The following SCN1B variants were observed in gnomAD, a reference collection of about 807,000 sequenced individuals.
SCN1B encodes the protein sodium voltage-gated channel beta subunit 1, also known as sodium channel regulatory subunit beta-1.
In SCN1B, 11 loss-of-function variants were observed where a neutral mutation model predicts 25.7. That is an observed-to-expected ratio of 0.43 (90% CI 0.27 to 0.71). SCN1B has a LOEUF of 0.71. SCN1B is among the 30% of genes least tolerant of loss of function. SCN1B has a pLI of 0.21. For synonymous variants in SCN1B, 119 were observed against 117.5 expected, an observed-to-expected ratio of 1.01 and a Z score of -0.08; for missense variants, 224 against 291.5, an observed-to-expected ratio of 0.77 and a Z score of 1.69.
rs1434795027 is a variant in SCN1B, at chr19:35,030,557, C to CT, written c.-264_-263insT. 1.3e-5 allele frequency: 2 copies of CT among 149,608 alleles called. No homozygotes were observed. The highest frequency in any genetic ancestry group is 4.9e-5 in the African/African-American group (2 of 40,932). The allele number at this position is 149,608 out of a possible 1,614,324, so 9.3% of individuals were successfully genotyped here. A position where few individuals can be genotyped will look rare whatever the true frequency, so the allele number is the denominator to read the frequency against. On this transcript the variant is annotated 5_prime_UTR_variant, in exon 1 of 6. The change abolishes the stop of an existing upstream ORF in the 5' untranslated region. Coordinates refer to ENST00000262631, the MANE Select transcript of SCN1B (RefSeq NM_001037.5). ...TGCACCTAGCGGATGTGCCCGGCTG[C>CT]GCGCGCCAGCGCAGCAGCCCGAGCA... is the stretch of plus-strand genomic sequence containing the variant.
intron 3 of SCN1B, chr19:35,034,222 C>A (rs2064234659): frequency 1.3e-6 from 2 of 1,489,662 alleles, no homozygotes; most frequent in African/African-American, 1.4e-5. Context: ...CTCAGCCCTG[C>A]TGCCCTCTGT....
In SCN1B at chr19:35,030,827, A is replaced by T; in HGVS notation, c.7A>T (p.Arg3Trp). The change falls in exon 1 of 6, where the codon AGG becomes TGG. Residue 3 changes from arginine (R) to tryptophan (W), a missense_variant. Around this residue, in one of 3 missense-constraint regions of SCN1B, gnomAD observed 46 missense variants for 35.8 expected, o/e 1.29. Transcript: ENST00000262631. ...CAGCACGCGCCGCGCAGCCATGGGG[A>T]GGCTGCTGGCCTTAGTGGTCGGCGC... is the stretch of plus-strand genomic sequence containing the variant. MG[R>W]LLALVVGAAL... The T allele has an allele frequency of 9.3e-7, 1 of 1,078,968 alleles. No homozygotes were observed. The highest frequency in any genetic ancestry group is 1.2e-6 in the Non-Finnish European group (1 of 855,938). 66.8% of individuals were successfully genotyped at this position (1,078,968 alleles called of 1,614,324 possible).
intron 3 of SCN1B, chr19:35,034,421 A>C: frequency 2.6e-6 from 1 of 384,388 alleles, no homozygotes. Context: ...TCTGAGCAGC[A>C]AGGGCCTACA....
In SCN1B at chr19:35,040,197, G is replaced by A. The variant is rs1475664971; in HGVS notation, c.*406G>A. The A allele has an allele frequency of 3.9e-5, 7 of 181,604 alleles. No homozygotes were observed. Among genetic ancestry groups the A allele is most frequent in the Admixed American group, 2.7e-4 (5 of 18,512 alleles). The allele number at this position is 181,604 out of a possible 1,614,324, so 11.2% of individuals were successfully genotyped here. On this transcript the variant is annotated 3_prime_UTR_variant, in exon 6 of 6. Coordinates refer to ENST00000262631, the MANE Select transcript of SCN1B (RefSeq NM_001037.5). ...TCCTCCCTGCCTGGCGGCAGGGGTCGCGATGATGGGCTGGAGCAGTTTGGG... is the reference window on the plus strand; with the variant it reads ...TCCTCCCTGCCTGGCGGCAGGGGTCACGATGATGGGCTGGAGCAGTTTGGG...
At position 35,033,544 on chromosome 19, in the gene SCN1B, C is replaced by T. The variant is rs786205830; in HGVS notation, c.253C>T (p.Arg85Cys). 5.0e-6 allele frequency: 8 copies of T among 1,613,960 alleles called. No individual in the cohort carries two copies. Among genetic ancestry groups the T allele is most frequent in the Non-Finnish European group, 6.8e-6 (8 of 1,179,942 alleles). ...GGTGTTGCAGCTGGAGGAGGATGAG[C>T]GCTTCGAGGGCCGCGTGGTGTGGAA... ...NEVLQLEEDE[R>C]FEGRVVWNGS... The change falls in exon 3 of 6, where the codon CGC (arginine) becomes TGC (cysteine). Residue 85 changes from arginine to cysteine, a missense_variant. Coordinates refer to ENST00000262631, the MANE Select transcript of SCN1B (RefSeq NM_001037.5).
chr19:35,039,400 C>A, intron 4 of SCN1B, 142 bp downstream of exon 4: 1 of 1,215,130 alleles, frequency 8.2e-7, no homozygotes, highest in Non-Finnish European at 1.2e-6. Flanking sequence ...GGGAGTGCTC[C>A]CTGTCAGACA....
chr19:35,040,067 G>A lies in SCN1B; in HGVS notation c.*276G>A, dbSNP rs2064277603. ...CCTGCTTCTGCTGCCTGTTTGGGGA[G>A]GGGGGCGGTGAGGTGGGGGCAGCGG... On this transcript the variant is annotated 3_prime_UTR_variant, in exon 6 of 6. Transcript: ENST00000262631. 1 of 325,004 alleles carries A rather than the reference G, an allele frequency of 3.1e-6. No homozygotes were observed. Among genetic ancestry groups the A allele is most frequent in the Non-Finnish European group, 5.9e-6 (1 of 168,148 alleles). The allele number at this position is 325,004 out of a possible 1,614,324, so 20.1% of individuals were successfully genotyped here. A position where few individuals can be genotyped will look rare whatever the true frequency, so the allele number is the denominator to read the frequency against.
chr19:35,039,757 C>T (rs72550238), intron 5 of SCN1B, 40 bp from the exon 6 acceptor site: 649 of 1,558,112 alleles, frequency 4.2e-4, no homozygotes, highest in Non-Finnish European at 5.6e-4. Flanking sequence ...GGGCCGAAGT[C>T]CCCCAGGTCC....
chr19:35,038,645 A>C (rs2064262786), intron 3 of SCN1B: 2 of 233,208 alleles, frequency 8.6e-6, no homozygotes, highest in Non-Finnish European at 1.7e-5. Context: ...TTATAACAAC[A>C]ATAATAATAC....
In SCN1B at chr19:35,030,839, T is replaced by C. The variant is rs921444794; in HGVS notation, c.19T>C (p.Leu7=). The change falls in exon 1 of 6, where the codon TTA becomes CTA. Residue 7 remains leucine (L), a synonymous_variant. Coordinates refer to ENST00000262631, the MANE Select transcript of SCN1B (RefSeq NM_001037.5). MGRLLA[L]VVGAALVSSA... is the part of the protein sequence containing the mutation. ...CGCAGCCATGGGGAGGCTGCTGGCC[T>C]TAGTGGTCGGCGCGGCACTGGGTGA... The C allele has an allele frequency of 4.9e-6, 5 of 1,024,822 alleles. No homozygotes were observed. The highest frequency in any genetic ancestry group is 6.1e-6 in the Non-Finnish European group (5 of 819,642). The allele number at this position is 1,024,822 out of a possible 1,614,324, so 63.5% of individuals were successfully genotyped here.
rs754815235 is a variant in SCN1B at position 35,034,084 on chromosome 19, C to T, written c.448+345C>T. The T allele has an allele frequency of 5.3e-5, 82 of 1,551,450 alleles. No homozygotes were observed. In the African/African-American group the frequency reaches 7.5e-4, roughly 14 times the overall value. On this transcript the variant is annotated intron_variant, in intron 3 of 5. Coordinates refer to ENST00000262631, the MANE Select transcript of SCN1B (RefSeq NM_001037.5). Reference sequence around the variant, plus strand: ...CGGGATAATAATCCGATGTGTTTCTCGGGGTGTGGTTTGAGCCATTCTTCC... The same window carrying T: ...CGGGATAATAATCCGATGTGTTTCTTGGGGTGTGGTTTGAGCCATTCTTCC...
At chr19:35,038,580 C>T (rs762085704) in intron 3 of SCN1B, 9 of 193,434 alleles carry the variant, frequency 4.7e-5, no homozygotes, top group Admixed American at 1.1e-4. Context: ...GATTTGAACC[C>T]TGGCAGTCTG....
In SCN1B at chr19:35,039,114, C is replaced by T. The variant is rs370937269; in HGVS notation, c.449-3C>T. ...CCCCCTTAACCCTGCCTGGCCCCTG[C>T]AGCCAACAGAGACATGGCATCCATC... is the stretch of plus-strand genomic sequence containing the variant. On this transcript the variant is annotated splice_region_variant and splice_polypyrimidine_tract_variant and intron_variant, in intron 3 of 5. Coordinates refer to ENST00000262631, the MANE Select transcript of SCN1B (RefSeq NM_001037.5). The T allele has an allele frequency of 1.2e-6, 2 of 1,614,156 alleles. No homozygotes were observed. Among genetic ancestry groups the T allele is most frequent in the East Asian group, 4.5e-5 (2 of 44,890 alleles).
chr19:35,039,331 C>T (rs1049618933), intron 4 of SCN1B, 73 bp downstream of exon 4: 5 of 1,595,926 alleles, frequency 3.1e-6, no homozygotes, highest in East Asian at 2.2e-5. Flanking sequence ...ACTCCGGAGC[C>T]CGGGCAGGGA....
Position 35,038,946 on chromosome 19 carries a change from T to C in SCN1B, c.449-171T>C, listed in dbSNP as rs914710194. On this transcript the variant is annotated intron_variant, in intron 3 of 5. Transcript: ENST00000262631. Reference sequence around the variant, plus strand: ...GCCTCGAGTTACACAGGGAGGCAGGTTGAGGGTGACCCCCACCAGGCCTAC... The same window carrying C: ...GCCTCGAGTTACACAGGGAGGCAGGCTGAGGGTGACCCCCACCAGGCCTAC... 4.3e-5 allele frequency: 32 copies of C among 751,794 alleles called. 1 individual carries two copies. Among genetic ancestry groups the C allele is most frequent in the Middle Eastern group, 3.7e-4 (1 of 2,708 alleles). 46.6% of individuals were successfully genotyped at this position (751,794 alleles called of 1,614,324 possible).
chr19:35,031,162 A>AT (rs2064211138), intron 1 of SCN1B: 1 of 138,160 alleles, frequency 7.2e-6, no homozygotes, highest in African/African-American at 2.7e-5. Context: ...CTGCAATGTG[A>AT]CACCCACAGC....
At position 35,032,564 on chromosome 19, in the gene SCN1B, C is replaced by T. The variant is rs768653839; in HGVS notation, c.77C>T (p.Ser26Leu). ...SACGGCVEVD[S>L]ETEAVYGMTF... Reference sequence around the variant, plus strand: ...TGCGGGGGCTGCGTGGAGGTGGACTCGGAGACCGAGGCCGTGTATGGGATG... The same window carrying T: ...TGCGGGGGCTGCGTGGAGGTGGACTTGGAGACCGAGGCCGTGTATGGGATG... The change falls in exon 2 of 6, where the codon TCG becomes TTG. Residue 26 changes from serine to leucine, a missense_variant. By Grantham distance (145) the Ser-to-Leu change is moderately radical. Coordinates refer to ENST00000262631, the MANE Select transcript of SCN1B (RefSeq NM_001037.5). The surrounding 1 kb of genome is among the most constrained non-coding windows in gnomAD (Gnocchi z 4.3). The T allele has an allele frequency of 1.9e-6, 3 of 1,613,872 alleles. No individual in the cohort carries two copies. Among genetic ancestry groups the T allele is most frequent in the South Asian group, 1.1e-5 (1 of 91,082 alleles).
Position 35,032,574 on chromosome 19 carries a change from G to C in SCN1B, c.87G>C (p.Glu29Asp). 6.2e-7 allele frequency: 1 copy of C among 1,614,094 alleles called. No individual in the cohort carries two copies. The highest frequency in any genetic ancestry group is 8.5e-7 in the Non-Finnish European group (1 of 1,180,044). The stretch of plus-strand genomic sequence containing the variant: ...GCGTGGAGGTGGACTCGGAGACCGA[G>C]GCCGTGTATGGGATGACCTTCAAAA... ...GGCVEVDSET[E>D]AVYGMTFKIL... Residue 29 changes from glutamate (E) to aspartate (D), a missense_variant, in exon 2 of 6, where the codon GAG (glutamate) becomes GAC (aspartate). This residue lies in a region of SCN1B where 46 missense variants were observed against 35.8 expected (regional missense o/e 1.29). Coordinates refer to ENST00000262631, the MANE Select transcript of SCN1B (RefSeq NM_001037.5). This position sits in a 1 kb window ranked among gnomAD's most constrained non-coding sequence, Gnocchi z 4.3.
At position 35,032,559 on chromosome 19, in the gene SCN1B, G is replaced by A; in HGVS notation, c.72G>A (p.Val24=). Residue 24 remains valine (V), a synonymous_variant, in exon 2 of 6, where the codon GTG becomes GTA. Coordinates refer to ENST00000262631, the MANE Select transcript of SCN1B (RefSeq NM_001037.5). This position sits in a 1 kb window ranked among gnomAD's most constrained non-coding sequence, Gnocchi z 4.3. ...CAGCCTGCGGGGGCTGCGTGGAGGT[G>A]GACTCGGAGACCGAGGCCGTGTATG... is the stretch of plus-strand genomic sequence containing the variant. ...VSSACGGCVE[V]DSETEAVYGM... 5 of 1,614,004 alleles carry A rather than the reference G, an allele frequency of 3.1e-6. No homozygotes were observed. The South Asian group carries it at 5.5e-5, about 18-fold the overall frequency.
Sources: allele counts gnomAD v4.1 joint callset, GRCh38; gene constraint gnomAD v4.1.1; regional missense constraint gnomAD v4.1.1; non-coding constraint Gnocchi (gnomAD v3.1); transcripts MANE v1.5; gene names NCBI Gene and HGNC (gene_info 2026-07-23, HGNC 2026-07-21).